The following MRTFB variants were observed in gnomAD, a reference collection of about 807,000 sequenced individuals.
MRTFB encodes the protein myocardin related transcription factor B, also known as myocardin-related transcription factor B.
In MRTFB, 29 loss-of-function variants were observed where a neutral mutation model predicts 104.2. The ratio of observed to expected loss-of-function variants is 0.28; its 90% CI spans 0.21 to 0.38. The LOEUF (loss-of-function observed/expected upper bound fraction) is 0.38. Among genes scored for constraint, MRTFB ranks in the 10% least tolerant of loss-of-function variants. The probability of loss-of-function intolerance (pLI) is 1.00; values close to 1 mark genes in which losing one functional copy is unlikely to be tolerated. For missense variants in MRTFB, 1,270 were observed against 1,341.6 expected, an observed-to-expected ratio of 0.95 and a Z score of 0.83; for synonymous variants, 535 against 519.5, an observed-to-expected ratio of 1.03 and a Z score of -0.41.
Position 14,263,573 on chromosome 16 carries a change from T to C in MRTFB, c.*2129T>C, listed in dbSNP as rs922296221. ...CATTGACTCTCGTTGAATAACTTTATATTTCCATAATCCTGAATTGTGTAG... is the reference window on the plus strand; with the variant it reads ...CATTGACTCTCGTTGAATAACTTTACATTTCCATAATCCTGAATTGTGTAG... On this transcript the variant is annotated 3_prime_UTR_variant, in exon 17 of 17. Transcript: ENST00000571589. 1 of 152,220 alleles carries C rather than the reference T, an allele frequency of 6.6e-6. No homozygotes were observed. Among genetic ancestry groups the C allele is most frequent in the Admixed American group, 6.5e-5 (1 of 15,290 alleles). 9.4% of individuals were successfully genotyped at this position (152,220 alleles called of 1,614,324 possible).
At chr16:14,005,919 A>C in the MRTFB span, among the ~76,000 whole-genome samples, 1 of 152,234 alleles carries the variant, frequency 6.6e-6, no homozygotes, top group Non-Finnish European at 1.5e-5. Flanking sequence ...TTAAGAATGA[A>C]TGTTACGGCT....
intron 3 of MRTFB, among the ~76,000 whole-genome samples, chr16:14,161,091 T>C (rs2039018549): frequency 1.4e-5 from 2 of 143,010 alleles, no homozygotes; most frequent in South Asian, 4.6e-4. Context: ...AGGACTTTTT[T>C]TTTTTTTTTT....
chr16:14,016,124 G>A, the MRTFB span: 4 of 396,144 alleles, frequency 1.0e-5, no homozygotes, highest in African/African-American at 2.1e-5. Context: ...CTGTGTGACT[G>A]TAAACAAGTT....
At chr16:14,171,566 A>T (rs1186475312) in intron 3 of MRTFB, among the ~76,000 whole-genome samples, 3 of 152,058 alleles carry the variant, frequency 2.0e-5, no homozygotes, top group Non-Finnish European at 4.4e-5. Flanking sequence ...ATTAAAAACC[A>T]GATATCCTTA....
At chr16:14,157,619 G>A (rs1006161667) in intron 3 of MRTFB, among the ~76,000 whole-genome samples, 2 of 152,180 alleles carry the variant, frequency 1.3e-5, no homozygotes, top group Non-Finnish European at 2.9e-5. Context: ...AGTGGGCTTG[G>A]TGAGGGAGGC....
chr16:14,170,854 A>G (rs2039398578), intron 3 of MRTFB, among the ~76,000 whole-genome samples: 1 of 152,142 alleles, frequency 6.6e-6, no homozygotes. Context: ...GTTGTTATTA[A>G]ATGTGGGTAA....
the MRTFB span, among the ~76,000 whole-genome samples, chr16:14,036,473 T>C: frequency 6.8e-6 from 1 of 147,970 alleles, no homozygotes; most frequent in African/African-American, 2.5e-5. Context: ...TATGTTGAAA[T>C]ATATATATTC....
At chr16:14,113,101 T>C (rs2036360022) in intron 2 of MRTFB, among the ~76,000 whole-genome samples, 1 of 152,264 alleles carries the variant, frequency 6.6e-6, no homozygotes, top group Non-Finnish European at 1.5e-5. Flanking sequence ...TGGAGTGCAA[T>C]GGCGTGATCT....
At chr16:14,148,008 C>G (rs1445650765) in intron 3 of MRTFB, among the ~76,000 whole-genome samples, 4 of 152,156 alleles carry the variant, frequency 2.6e-5, no homozygotes, top group African/African-American at 9.7e-5. Context: ...ACATTATTTT[C>G]TATATAGATT....
intron 2 of MRTFB, among the ~76,000 whole-genome samples, chr16:14,085,743 G>T (rs1445405861): frequency 6.6e-6 from 1 of 152,150 alleles, no homozygotes; most frequent in Non-Finnish European, 1.5e-5. Context: ...AATGAGAAGG[G>T]CCTTAAATTT....
In MRTFB at chr16:14,261,029, T is replaced by C; in HGVS notation, c.2885T>C (p.Met962Thr). ...TCCCGGCCACCACCCCAAGTCCAAA[T>C]GGCACCACCTGTATCTTTAGAACCT... ...VVSRPPPQVQ[M>T]APPVSLEPMG... The change falls in exon 17 of 17, where the codon ATG (methionine) becomes ACG (threonine). Residue 962 changes from methionine (M) to threonine (T), a missense_variant. Coordinates refer to ENST00000571589, the MANE Select transcript of MRTFB (RefSeq NM_001308142.2). The C allele has an allele frequency of 6.2e-7, 1 of 1,614,146 alleles. No individual in the cohort carries two copies. The highest frequency in any genetic ancestry group is 8.5e-7 in the Non-Finnish European group (1 of 1,180,026).
At chr16:14,206,624 C>G (rs1402000140) in intron 3 of MRTFB, among the ~76,000 whole-genome samples, 1 of 152,186 alleles carries the variant, frequency 6.6e-6, no homozygotes, top group Admixed American at 6.5e-5. Flanking sequence ...ATGGCACGAT[C>G]TCGGCTCACT....
At chr16:14,166,088 G>A (rs552217235) in intron 3 of MRTFB, among the ~76,000 whole-genome samples, 2 of 152,250 alleles carry the variant, frequency 1.3e-5, no homozygotes, top group Admixed American at 1.3e-4. Flanking sequence ...ACTTCCAAAT[G>A]TGCATGTCAA....
At chr16:14,037,784 C>G in the MRTFB span, among the ~76,000 whole-genome samples, 1 of 152,166 alleles carries the variant, frequency 6.6e-6, no homozygotes, top group African/African-American at 2.4e-5. Context: ...GAACGAGGAA[C>G]AAGGAGTTCA....
At chr16:14,260,439 T>G (rs753217159) in intron 16 of MRTFB, among the ~76,000 whole-genome samples, 57 of 152,148 alleles carry the variant, frequency 3.7e-4, no homozygotes, top group Non-Finnish European at 6.0e-4. Context: ...AAACTCAGGA[T>G]GTACATTTCA....
intron 2 of MRTFB, among the ~76,000 whole-genome samples, chr16:14,110,356 A>C (rs2036209236): frequency 6.6e-6 from 1 of 152,200 alleles, no homozygotes. Flanking sequence ...GAAACTGAGA[A>C]TGGATCCTAT....
At chr16:14,053,030 T>C in the MRTFB span, among the ~76,000 whole-genome samples, 1 of 152,220 alleles carries the variant, frequency 6.6e-6, no homozygotes, top group East Asian at 1.9e-4. Flanking sequence ...TCCATGTTGC[T>C]GCAAATGCCA....
At chr16:14,090,942 T>G (rs1169818392) in intron 2 of MRTFB, among the ~76,000 whole-genome samples, 1 of 147,388 alleles carries the variant, frequency 6.8e-6, no homozygotes, top group Non-Finnish European at 1.5e-5. Flanking sequence ...AGTCACAGCA[T>G]AAAATAGGAG....
At chr16:14,026,734 G>T in the MRTFB span, among the ~76,000 whole-genome samples, 2 of 152,144 alleles carry the variant, frequency 1.3e-5, no homozygotes, top group Admixed American at 6.5e-5. Context: ...TAGAAAATGG[G>T]CAAAAGGCAT....
Sources: allele counts gnomAD v4.1 joint callset (sites outside exome capture counted in the v4.1 genomes callset), GRCh38; gene constraint gnomAD v4.1.1; transcripts MANE v1.5; gene names NCBI Gene and HGNC (gene_info 2026-07-23, HGNC 2026-07-21).